Variants in ARHGEF28 observed in about 807,000 individuals in gnomAD.
ARHGEF28 encodes 190 kDa guanine nucleotide exchange factor.
A neutral mutation model predicts 206.6 loss-of-function variants in ARHGEF28; 152 were observed. The ratio of observed to expected loss-of-function variants is 0.74; its 90% CI spans 0.64 to 0.84. The LOEUF (loss-of-function observed/expected upper bound fraction) is 0.84. Ranked by LOEUF, ARHGEF28 falls within the 40% of genes least tolerant of loss-of-function variation. The probability of loss-of-function intolerance (pLI) is 0.00; values close to 1 mark genes in which losing one functional copy is unlikely to be tolerated. For missense variants in ARHGEF28, 2,028 were observed against 2,073.2 expected (o/e 0.98, Z 0.42); for synonymous variants, 763 against 776.4 (o/e 0.98, Z 0.29).
chr5:73,910,483 G>C (rs1762833810), intron 34 of ARHGEF28, among the ~76,000 whole-genome samples: 1 of 147,268 alleles, frequency 6.8e-6, no homozygotes, highest in Admixed American at 6.8e-5. Flanking sequence ...AACAAACACA[G>C]AATCAAGTTG....
intron 35 of ARHGEF28, among the ~76,000 whole-genome samples, chr5:73,920,088 A>C (rs1024121275): frequency 1.1e-4 from 16 of 152,226 alleles, no homozygotes; most frequent in African/African-American, 3.6e-4. Flanking sequence ...GAAGCCACAC[A>C]GTTGACTCTT....
chr5:73,924,010 A>G (rs1763667718), intron 35 of ARHGEF28, among the ~76,000 whole-genome samples: 1 of 152,228 alleles, frequency 6.6e-6, no homozygotes, highest in Non-Finnish European at 1.5e-5. Context: ...ATTTTTGACC[A>G]GAATGACCAA....
intron 1 of ARHGEF28, among the ~76,000 whole-genome samples, chr5:73,645,939 C>G (rs1744397497): frequency 6.6e-6 from 1 of 152,022 alleles, no homozygotes; most frequent in Non-Finnish European, 1.5e-5. Context: ...CACTTGAAAT[C>G]TACATCTTTG....
At chr5:73,861,211 C>T (rs1425901119) in intron 16 of ARHGEF28, among the ~76,000 whole-genome samples, 1 of 152,078 alleles carries the variant, frequency 6.6e-6, no homozygotes, top group Non-Finnish European at 1.5e-5. Flanking sequence ...CCTAGGGAGC[C>T]AGGGCTCACT....
chr5:73,872,874 C>A (rs1305633014), intron 21 of ARHGEF28, 125 bp from the exon 22 acceptor site: 2 of 1,097,390 alleles, frequency 1.8e-6, no homozygotes, highest in Non-Finnish European at 2.5e-6. Context: ...TTGGAATATT[C>A]TTGATATTCC....
chr5:73,885,474 A>ATT (rs747988864), intron 24 of ARHGEF28, among the ~76,000 whole-genome samples: 8 of 138,028 alleles, frequency 5.8e-5, no homozygotes, highest in Admixed American at 7.3e-5. Context: ...ATAGGATTTA[A>ATT]TTTTTTTTTT....
chr5:73,862,168 T>G (rs1020824784), intron 16 of ARHGEF28, among the ~76,000 whole-genome samples: 29 of 152,202 alleles, frequency 1.9e-4, no homozygotes, highest in African/African-American at 2.4e-5. Flanking sequence ...TAAATAAGTT[T>G]CTTGGCTATT....
intron 1 of ARHGEF28, among the ~76,000 whole-genome samples, chr5:73,650,830 G>A (rs1223467045): frequency 6.6e-6 from 1 of 151,778 alleles, no homozygotes; most frequent in Non-Finnish European, 1.5e-5. Context: ...TTGTATTTTT[G>A]GTAGAGACAG....
chr5:73,644,331 AT>A (rs1744301494), intron 1 of ARHGEF28, among the ~76,000 whole-genome samples: 1 of 152,170 alleles, frequency 6.6e-6, no homozygotes, highest in African/African-American at 2.4e-5. Context: ...GTTCACCTAT[AT>A]TTCAGATTTT....
At chr5:73,883,624 G>A in intron 23 of ARHGEF28, 143 bp from the exon 24 acceptor site, 1 of 471,198 alleles carries the variant, frequency 2.1e-6, no homozygotes, top group Non-Finnish European at 3.7e-6. Flanking sequence ...TTAAATTAGT[G>A]ATAATGCATC....
chr5:73,757,886 G>A (rs1752398836), intron 4 of ARHGEF28, among the ~76,000 whole-genome samples: 1 of 151,840 alleles, frequency 6.6e-6, no homozygotes, highest in African/African-American at 2.4e-5. Flanking sequence ...TTTTTGTTTT[G>A]GGTTTCTTGC....
intron 35 of ARHGEF28, among the ~76,000 whole-genome samples, chr5:73,922,421 G>A (rs1019163701): frequency 3.3e-5 from 5 of 152,238 alleles, no homozygotes; most frequent in African/African-American, 1.2e-4. Context: ...ATAGGATAGC[G>A]TGACATCAGA....
intron 2 of ARHGEF28, among the ~76,000 whole-genome samples, chr5:73,718,928 A>G (rs552043477): frequency 6.6e-6 from 1 of 152,192 alleles, no homozygotes; most frequent in African/African-American, 2.4e-5. Flanking sequence ...TGCTGTGTTT[A>G]CTGTGCTCTG....
chr5:73,635,856 A>ACAAAACG (rs1288660831), intron 1 of ARHGEF28, among the ~76,000 whole-genome samples: 1 of 152,224 alleles, frequency 6.6e-6, no homozygotes, highest in African/African-American at 2.4e-5. Context: ...AGAACAATGC[A>ACAAAACG]CAAAACGCAT....
chr5:73,828,390 T>C (rs1157838801), intron 9 of ARHGEF28, among the ~76,000 whole-genome samples: 1 of 152,206 alleles, frequency 6.6e-6, no homozygotes, highest in Non-Finnish European at 1.5e-5. Flanking sequence ...CTCAAAAGGA[T>C]GTTTGTGCCA....
chr5:73,775,739 C>A (rs1753504855), intron 5 of ARHGEF28, among the ~76,000 whole-genome samples: 2 of 152,118 alleles, frequency 1.3e-5, no homozygotes, highest in Non-Finnish European at 2.9e-5. Context: ...AATATTTCCC[C>A]TTGAGGTTTC....
At chr5:73,738,186 G>T (rs984054452) in intron 2 of ARHGEF28, among the ~76,000 whole-genome samples, 1 of 152,118 alleles carries the variant, frequency 6.6e-6, no homozygotes, top group Non-Finnish European at 1.5e-5. Context: ...TTCATCTGGG[G>T]GTCAGACTGT....
intron 2 of ARHGEF28, among the ~76,000 whole-genome samples, chr5:73,722,390 A>G (rs946555958): frequency 6.6e-6 from 1 of 152,374 alleles, no homozygotes; most frequent in Admixed American, 6.5e-5. Context: ...TATTTACCAG[A>G]TGTCCTGGGA....
chr5:73,797,696 T>G lies in ARHGEF28; in HGVS notation c.1024+2305T>G, dbSNP rs529996069. Among the ~76,000 whole-genome samples the G allele has an allele frequency of 9.8e-5, 15 of 152,324 alleles. No individual in the cohort carries two copies. In the South Asian group the frequency reaches 3.1e-3, roughly 32 times the overall value. The stretch of plus-strand genomic sequence containing the variant: ...ACCACATCTGGCCTCTTTTGTTATT[T>G]TATAAGTGCTTTATTCTGCCCAGTC... On this transcript the variant is annotated intron_variant, in intron 9 of 35. Transcript: ENST00000513042.
Sources: gnomAD v4.1 joint callset for allele counts (sites outside exome capture counted in the v4.1 genomes callset) on GRCh38, gnomAD v4.1.1 for gene constraint, MANE v1.5 for transcripts, NCBI Gene and HGNC (gene_info 2026-07-23, HGNC 2026-07-21) for gene names.